CLPSL1: variants seen among roughly 807,000 people sequenced by gnomAD.
CLPSL1 encodes colipase-like protein 1.
CLPSL1 carries 13 observed loss-of-function variants against 9.3 expected under a neutral mutation model. That is an observed-to-expected ratio of 1.40 (90% CI 0.91 to 2.22). The LOEUF (loss-of-function observed/expected upper bound fraction) is 2.22. CLPSL1 is among the 30% of genes most tolerant of loss of function. The pLI, the probability that CLPSL1 is intolerant of heterozygous loss-of-function variation, is 0.00. For missense variants in CLPSL1, 164 were observed against 146.6 expected (o/e 1.12, Z -0.61); for synonymous variants, 58 against 56.9 (o/e 1.02, Z -0.08).
downstream of CLPSL1, among the ~76,000 whole-genome samples, chr6:35,791,562 C>T (rs900724230): frequency 6.6e-6 from 1 of 151,530 alleles, no homozygotes; most frequent in African/African-American, 2.4e-5. Context: ...GAGCCGAGAT[C>T]GTGCCATTGC....
chr6:35,783,749 A>G (rs1377396269), intron 1 of CLPSL1, among the ~76,000 whole-genome samples: 15 of 149,626 alleles, frequency 1.0e-4, no homozygotes, highest in Non-Finnish European at 1.6e-4. Flanking sequence ...CACAGCTTGC[A>G]GTGAGCCGAG....
At chr6:35,791,503 G>C (rs1768208652), downstream of CLPSL1, among the ~76,000 whole-genome samples, 1 of 152,106 alleles carries the variant, frequency 6.6e-6, no homozygotes, top group South Asian at 2.1e-4. Context: ...AGCTACTCGG[G>C]AGGCTGAGGC....
Position 35,788,039 on chromosome 6 carries a change from C to T in CLPSL1, c.*29C>T, listed in dbSNP as rs1014640899. ...TCCCTCCTTCTTGCTGCCTCCTCCT[C>T]CTCCACCTGCTCTCCTCCCTACCCA... On this transcript the variant is annotated 3_prime_UTR_variant, in exon 3 of 3. Coordinates refer to ENST00000373861, the MANE Select transcript of CLPSL1 (RefSeq NM_001010886.5). The T allele has an allele frequency of 3.7e-5, 57 of 1,544,168 alleles. No homozygotes were observed. The highest frequency in any genetic ancestry group is 5.4e-5 in the African/African-American group (4 of 73,414).
At chr6:35,783,709 G>A (rs1178540889) in intron 1 of CLPSL1, among the ~76,000 whole-genome samples, 3 of 151,486 alleles carry the variant, frequency 2.0e-5, no homozygotes. Context: ...TCAGGAGGCT[G>A]AGGCAGGAGA....
intron 1 of CLPSL1, among the ~76,000 whole-genome samples, chr6:35,786,331 G>A (rs1272407718): frequency 6.6e-6 from 1 of 152,210 alleles, no homozygotes. Context: ...AGTGGCTAGT[G>A]GCTATTGGAC....
downstream of CLPSL1, among the ~76,000 whole-genome samples, chr6:35,792,846 C>T (rs1479704773): frequency 1.3e-5 from 2 of 152,280 alleles, no homozygotes; most frequent in Non-Finnish European, 2.9e-5. Flanking sequence ...CAGCCCTGCT[C>T]AGGGCCTGAG....
chr6:35,781,098 C>A lies in CLPSL1; in HGVS notation c.-13C>A, dbSNP rs371205212. ...TCGCTGGACCCTAGAAAAGCCACCACGACCTGTGGGCCATGATGCTACCCC... is the reference window on the plus strand; with the variant it reads ...TCGCTGGACCCTAGAAAAGCCACCAAGACCTGTGGGCCATGATGCTACCCC... On this transcript the variant is annotated 5_prime_UTR_variant, in exon 1 of 3. Coordinates refer to ENST00000373861, the MANE Select transcript of CLPSL1 (RefSeq NM_001010886.5). 5 of 1,613,330 alleles carry A rather than the reference C, an allele frequency of 3.1e-6. No individual in the cohort carries two copies. The African/African-American group carries it at 5.3e-5, about 17-fold the overall frequency.
chr6:35,791,747 A>G (rs1015025971), downstream of CLPSL1, among the ~76,000 whole-genome samples: 2 of 152,322 alleles, frequency 1.3e-5, no homozygotes, highest in Non-Finnish European at 2.9e-5. Context: ...TGTGGGCATC[A>G]TGGTGAAACC....
At chr6:35,783,570 G>T (rs1768009967) in intron 1 of CLPSL1, among the ~76,000 whole-genome samples, 1 of 151,974 alleles carries the variant, frequency 6.6e-6, no homozygotes, top group Non-Finnish European at 1.5e-5. Context: ...ATTTTGGGAG[G>T]CCGAGGCAGG....
intron 1 of CLPSL1, among the ~76,000 whole-genome samples, chr6:35,784,469 T>C (rs1175347546): frequency 6.6e-6 from 1 of 152,142 alleles, no homozygotes. Context: ...CAGGTTAAAT[T>C]TTAGAGTGCC....
At chr6:35,790,019 T>C (rs1421440540), downstream of CLPSL1, among the ~76,000 whole-genome samples, 2 of 152,220 alleles carry the variant, frequency 1.3e-5, no homozygotes, top group East Asian at 3.9e-4. Flanking sequence ...CTCATCCTTC[T>C]GGGCTCAAGT....
At chr6:35,783,308 C>T (rs532139008) in intron 1 of CLPSL1, among the ~76,000 whole-genome samples, 4 of 152,182 alleles carry the variant, frequency 2.6e-5, no homozygotes, top group Non-Finnish European at 4.4e-5. Flanking sequence ...GTCAAGAGTT[C>T]GAGAACAGCC....
chr6:35,792,694 C>G (rs1331560025), downstream of CLPSL1, among the ~76,000 whole-genome samples: 2 of 152,282 alleles, frequency 1.3e-5, no homozygotes, highest in Non-Finnish European at 2.9e-5. Context: ...TCCCTACTCA[C>G]TTTTGAAGAC....
In CLPSL1 at chr6:35,787,879, C is replaced by A. The variant is rs750441519; in HGVS notation, c.235C>A (p.Gln79Lys). The A allele has an allele frequency of 1.2e-6, 2 of 1,609,008 alleles. No homozygotes were observed. The highest frequency in any genetic ancestry group is 1.7e-6 in the Non-Finnish European group (2 of 1,175,726). The change falls in exon 3 of 3, where the codon CAA becomes AAA. Residue 79 changes from glutamine to lysine, a missense_variant. Transcript: ENST00000373861. ...CTGTCTTTCCCAGGTGTTCTTTGGC[C>A]AATATAGAGCGTGTCCCTGCCTGCG... ...SLCQTQVFFG[Q>K]YRACPCLRNL...
At chr6:35,785,935 T>G (rs1375575759) in intron 1 of CLPSL1, among the ~76,000 whole-genome samples, 12 of 106,124 alleles carry the variant, frequency 1.1e-4, no homozygotes, top group Admixed American at 2.5e-4. Flanking sequence ...GGTGACAGAG[T>G]GAGACTTTGT....
downstream of CLPSL1, among the ~76,000 whole-genome samples, chr6:35,792,899 A>C (rs573749342): frequency 1.3e-5 from 2 of 152,266 alleles, no homozygotes; most frequent in African/African-American, 4.8e-5. Context: ...CTTGTTGAGC[A>C]CATAATTCAT....
At chr6:35,783,880 T>C (rs1224310000) in intron 1 of CLPSL1, among the ~76,000 whole-genome samples, 2 of 152,032 alleles carry the variant, frequency 1.3e-5, no homozygotes, top group African/African-American at 4.8e-5. Context: ...ATTTCACTTA[T>C]GTATCTCTTC....
At chr6:35,783,416 AG>A (rs1201495782) in intron 1 of CLPSL1, among the ~76,000 whole-genome samples, 2 of 152,092 alleles carry the variant, frequency 1.3e-5, no homozygotes, top group African/African-American at 4.8e-5. Flanking sequence ...AGGCTGAGGC[AG>A]GAGAATTGCT....
downstream of CLPSL1, among the ~76,000 whole-genome samples, chr6:35,791,411 C>T (rs1768207010): frequency 6.6e-6 from 1 of 152,102 alleles, no homozygotes. Context: ...GAGTTCGAGA[C>T]CAGCCTGACC....
Sources: allele counts gnomAD v4.1 joint callset (sites outside exome capture counted in the v4.1 genomes callset), GRCh38; gene constraint gnomAD v4.1.1; transcripts MANE v1.5; gene names NCBI Gene and HGNC (gene_info 2026-07-23, HGNC 2026-07-21).